Variants in TUBB6 observed in about 807,000 individuals in gnomAD.
TUBB6 encodes the protein tubulin beta-6 chain.
A neutral mutation model predicts 32.3 loss-of-function variants in TUBB6; 18 were observed. That is an observed-to-expected ratio of 0.56 (90% CI 0.39 to 0.83). The LOEUF (loss-of-function observed/expected upper bound fraction) is 0.83. Ranked by LOEUF, TUBB6 falls within the 40% of genes least tolerant of loss-of-function variation. TUBB6 has a pLI of 0.00. For missense variants in TUBB6, 480 were observed against 632.0 expected (o/e 0.76, Z 2.58); for synonymous variants, 280 against 265.8 (o/e 1.05, Z -0.52).
Position 12,325,289 on chromosome 18 carries a change from T to G in TUBB6, c.500T>G (p.Phe167Cys). 6.2e-7 allele frequency: 1 copy of G among 1,614,180 alleles called. No individual in the cohort carries two copies. The highest frequency in any genetic ancestry group is 2.2e-5 in the East Asian group (1 of 44,888). The change falls in exon 4 of 4, where the codon TTC becomes TGC. Residue 167 changes from phenylalanine to cysteine, a missense_variant. Physicochemically the swap from Phe to Cys is radical, Grantham distance 205 (BLOSUM62 -2). Transcript: ENST00000317702. ...TTCCCGGACCGCATCATGAACACCT[T>G]CAGCGTCATGCCCTCGCCCAAGGTG... ...EEFPDRIMNT[F>C]SVMPSPKVSD...
intron 2 of TUBB6, 127 bp from the exon 3 acceptor site, chr18:12,310,816 T>C (rs1906334893): frequency 1.7e-6 from 1 of 597,242 alleles, no homozygotes; most frequent in Admixed American, 3.2e-5. Context: ...AAAGTTCCTG[T>C]ACCCTTTCTG....
chr18:12,312,490 C>G (rs1422682741), intron 3 of TUBB6, among the ~76,000 whole-genome samples: 1 of 152,112 alleles, frequency 6.6e-6, no homozygotes, highest in Admixed American at 6.6e-5. Context: ...ACAAGTGGGA[C>G]TGTCTACCTC....
Position 12,326,299 on chromosome 18 carries a change from A to G in TUBB6, c.*169A>G, listed in dbSNP as rs1196589848. ...ATTAGTCATCTGGAACAAAGACTAA[A>G]AACAGCAGAGAATTGCGGGTTCTAC... On this transcript the variant is annotated 3_prime_UTR_variant, in exon 4 of 4. Transcript: ENST00000317702. 3 of 1,047,320 alleles carry G rather than the reference A, an allele frequency of 2.9e-6. No homozygotes were observed. The highest frequency in any genetic ancestry group is 4.0e-6 in the Non-Finnish European group (3 of 749,122). The allele number at this position is 1,047,320 out of a possible 1,614,324, so 64.9% of individuals were successfully genotyped here.
At chr18:12,320,148 A>C (rs745519641) in intron 3 of TUBB6, among the ~76,000 whole-genome samples, 1 of 151,924 alleles carries the variant, frequency 6.6e-6, no homozygotes, top group East Asian at 1.9e-4. Flanking sequence ...GGATCCCTTG[A>C]GCCCAGGAGT....
rs868311778 is a variant in TUBB6 at position 12,321,041 on chromosome 18, G to A, written c.278-4026G>A. ...ATAGAATCTCCTTGTTTTAATTTGCGTTTCCCTTATGAGAAGGGTTTAGCA... is the reference window on the plus strand; with the variant it reads ...ATAGAATCTCCTTGTTTTAATTTGCATTTCCCTTATGAGAAGGGTTTAGCA... On this transcript the variant is annotated intron_variant, in intron 3 of 3. Coordinates refer to ENST00000317702, the MANE Select transcript of TUBB6 (RefSeq NM_032525.3). 5.9e-5 allele frequency among the ~76,000 whole-genome samples: 9 copies of A among 152,208 alleles called. No individual in the cohort carries two copies. The Middle Eastern group carries it at 0.01, about 173-fold the overall frequency.
At chr18:12,316,979 T>G (rs1265248229) in intron 3 of TUBB6, among the ~76,000 whole-genome samples, 1 of 151,976 alleles carries the variant, frequency 6.6e-6, no homozygotes, top group African/African-American at 2.4e-5. Context: ...GCCAACATGG[T>G]GAAACCCTGT....
In TUBB6 at chr18:12,326,502, T is replaced by G. The variant is rs1256434650; in HGVS notation, c.*372T>G. 1 of 251,510 alleles carries G rather than the reference T, an allele frequency of 4.0e-6. No homozygotes were observed. The highest frequency in any genetic ancestry group is 2.2e-5 in the African/African-American group (1 of 45,290). 15.6% of individuals were successfully genotyped at this position (251,510 alleles called of 1,614,324 possible). A position where few individuals can be genotyped will look rare whatever the true frequency, so the allele number is the denominator to read the frequency against. Reference sequence around the variant, plus strand: ...AAGCCTGAAATTGTGCCGTGTTGCCTTATATGAATATGCAGTATGGGACTT... The same window carrying G: ...AAGCCTGAAATTGTGCCGTGTTGCCGTATATGAATATGCAGTATGGGACTT... On this transcript the variant is annotated 3_prime_UTR_variant, in exon 4 of 4. Coordinates refer to ENST00000317702, the MANE Select transcript of TUBB6 (RefSeq NM_032525.3).
intron 3 of TUBB6, among the ~76,000 whole-genome samples, chr18:12,313,344 G>GA (rs1228420014): frequency 1.3e-5 from 2 of 152,220 alleles, no homozygotes; most frequent in Non-Finnish European, 2.9e-5. Context: ...GCTATCAGCT[G>GA]AAAAATGACT....
At chr18:12,329,192 C>A, downstream of TUBB6, 1 of 702,906 alleles carries the variant, frequency 1.4e-6, no homozygotes, top group Non-Finnish European at 2.6e-6. Flanking sequence ...GAAGAGTGGG[C>A]GACAAAGAGA....
intron 3 of TUBB6, among the ~76,000 whole-genome samples, chr18:12,316,023 T>C (rs1335923326): frequency 1.3e-5 from 2 of 152,266 alleles, no homozygotes; most frequent in African/African-American, 2.4e-5. Flanking sequence ...CAGCAGGTCA[T>C]GGCTGTCTGG....
chr18:12,325,269 G>A lies in TUBB6; in HGVS notation c.480G>A (p.Pro160=), dbSNP rs1907221311. 3 of 1,614,038 alleles carry A rather than the reference G, an allele frequency of 1.9e-6. No homozygotes were observed. Among genetic ancestry groups the A allele is most frequent in the Non-Finnish European group, 2.5e-6 (3 of 1,180,034 alleles). ...LLISKIREEF[P]DRIMNTFSVM... ...TCAGCAAGATCCGTGAGGAGTTCCC[G>A]GACCGCATCATGAACACCTTCAGCG... The change falls in exon 4 of 4, where the codon CCG becomes CCA. Residue 160 remains proline (P), a synonymous_variant. Coordinates refer to ENST00000317702, the MANE Select transcript of TUBB6 (RefSeq NM_032525.3).
rs1433476108 is a variant in TUBB6, at chr18:12,311,137, T to A, written c.277+84T>A. The A allele has an allele frequency of 9.2e-6, 11 of 1,195,716 alleles. No homozygotes were observed. The Admixed American group carries it at 2.5e-4, about 27-fold the overall frequency. The allele number at this position is 1,195,716 out of a possible 1,614,324, so 74.1% of individuals were successfully genotyped here. A position where few individuals can be genotyped will look rare whatever the true frequency, so the allele number is the denominator to read the frequency against. On this transcript the variant is annotated intron_variant, in intron 3 of 3. Coordinates refer to ENST00000317702, the MANE Select transcript of TUBB6 (RefSeq NM_032525.3). ...TATATGCCAGATTTAAAGCATCATGTGTCATAGAAAAAGTGTGAATGGAAA... is the reference window on the plus strand; with the variant it reads ...TATATGCCAGATTTAAAGCATCATGAGTCATAGAAAAAGTGTGAATGGAAA...
rs202128106 is a variant in TUBB6 at position 12,308,317 on chromosome 18, G to T, written c.25G>T (p.Ala9Ser). The part of the protein sequence containing the change: MREIVHIQ[A>S]GQCGNQIGTK... ...CATGAGGGAGATCGTGCACATCCAGGCGGGCCAGTGCGGGAACCAGATCGG... is the reference window on the plus strand; with the variant it reads ...CATGAGGGAGATCGTGCACATCCAGTCGGGCCAGTGCGGGAACCAGATCGG... The change falls in exon 1 of 4, where the codon GCG becomes TCG. Residue 9 changes from alanine to serine, a missense_variant. Ala to Ser is a moderately conservative substitution (Grantham distance 99). Coordinates refer to ENST00000317702, the MANE Select transcript of TUBB6 (RefSeq NM_032525.3). 501 of 1,482,336 alleles carry T rather than the reference G, an allele frequency of 3.4e-4. No homozygotes were observed. The highest frequency in any genetic ancestry group is 4.2e-4 in the Non-Finnish European group (471 of 1,112,012). 91.8% of individuals were successfully genotyped at this position (1,482,336 alleles called of 1,614,324 possible). A position where few individuals can be genotyped will look rare whatever the true frequency, so the allele number is the denominator to read the frequency against.
chr18:12,321,148 G>A (rs564771517), intron 3 of TUBB6, among the ~76,000 whole-genome samples: 61 of 152,294 alleles, frequency 4.0e-4, no homozygotes, highest in African/African-American at 1.5e-3. Flanking sequence ...CCTAATGGCT[G>A]TTGTTTTTCT....
chr18:12,325,215 C>T lies in TUBB6; in HGVS notation c.426C>T (p.Gly142=), dbSNP rs978575756. The T allele has an allele frequency of 6.2e-7, 1 of 1,614,166 alleles. No individual in the cohort carries two copies. The highest frequency in any genetic ancestry group is 1.3e-5 in the African/African-American group (1 of 75,070). The change falls in exon 4 of 4, where the codon GGC becomes GGT. Residue 142 remains glycine (G), a synonymous_variant. Transcript: ENST00000317702. ...GFQLTHSLGG[G]TGSGMGTLLI... is the part of the protein sequence containing the mutation. ...AGCTCACGCACTCGCTGGGCGGCGG[C>T]ACGGGCTCAGGCATGGGCACGCTGC...
intron 3 of TUBB6, chr18:12,324,697 C>A: frequency 1.0e-6 from 1 of 985,916 alleles, no homozygotes; most frequent in Non-Finnish European, 1.3e-6. Flanking sequence ...GTGATCCACC[C>A]GCCTCGGCCT....
rs1437644726 is a variant in TUBB6 at position 12,310,953 on chromosome 18, T to C, written c.177T>C (p.Tyr59=). The change falls in exon 3 of 4, where the codon TAT becomes TAC. Residue 59 remains tyrosine (Y), a synonymous_variant. Coordinates refer to ENST00000317702, the MANE Select transcript of TUBB6 (RefSeq NM_032525.3). ...TCTTTTCTCCTCCAGCTCAGAAATATGTGCCCAGGGCCGCCCTGGTGGACT... is the reference window on the plus strand; with the variant it reads ...TCTTTTCTCCTCCAGCTCAGAAATACGTGCCCAGGGCCGCCCTGGTGGACT... ...VYYNESSSQK[Y]VPRAALVDLE... The C allele has an allele frequency of 1.3e-5, 21 of 1,607,514 alleles. No individual in the cohort carries two copies. The highest frequency in any genetic ancestry group is 1.7e-5 in the Non-Finnish European group (20 of 1,177,924).
Position 12,325,324 on chromosome 18 carries a change from G to C in TUBB6, c.535G>C (p.Val179Leu). 6.2e-7 allele frequency: 1 copy of C among 1,614,254 alleles called. No individual in the cohort carries two copies. The highest frequency in any genetic ancestry group is 8.5e-7 in the Non-Finnish European group (1 of 1,180,038). Residue 179 changes from valine (V) to leucine (L), a missense_variant, in exon 4 of 4, where the codon GTG becomes CTG. Coordinates refer to ENST00000317702, the MANE Select transcript of TUBB6 (RefSeq NM_032525.3). ...VMPSPKVSDT[V>L]VEPYNATLSV... ...GCCCTCGCCCAAGGTGTCGGACACG[G>C]TGGTGGAGCCCTACAATGCCACACT...
At chr18:12,329,759 C>CT, downstream of TUBB6, 1 of 1,614,134 alleles carries the variant, frequency 6.2e-7, no homozygotes, top group Non-Finnish European at 8.5e-7. Flanking sequence ...TCTAATACTT[C>CT]TTTTTCTAAC....
Sources: allele counts gnomAD v4.1 joint callset (sites outside exome capture counted in the v4.1 genomes callset), GRCh38; gene constraint gnomAD v4.1.1; transcripts MANE v1.5; gene names NCBI Gene and HGNC (gene_info 2026-07-23, HGNC 2026-07-21).